Variants in PRRC2C observed in about 807,000 individuals in gnomAD.
PRRC2C encodes protein PRRC2C.
A neutral mutation model predicts 317.2 loss-of-function variants in PRRC2C; 72 were observed. That is an observed-to-expected ratio of 0.23 (90% CI 0.19 to 0.28). The LOEUF is 0.28. PRRC2C is among the 10% of genes least tolerant of loss of function. The pLI, the probability that PRRC2C is intolerant of heterozygous loss-of-function variation, is 1.00. For missense variants in PRRC2C, 3,074 were observed against 3,459.7 expected, an observed-to-expected ratio of 0.89 and a Z score of 2.80; for synonymous variants, 1,296 against 1,205.9, an observed-to-expected ratio of 1.07 and a Z score of -1.55.
At chr1:171,539,221 G>A (rs1160880898) in intron 15 of PRRC2C, among the ~76,000 whole-genome samples, 2 of 152,062 alleles carry the variant, frequency 1.3e-5, no homozygotes, top group African/African-American at 2.4e-5. Flanking sequence ...GGCTGGTCTC[G>A]AACTCCCGAC....
chr1:171,573,673 C>CTTTTTTTTTTTTTTT (rs1024285954), intron 24 of PRRC2C, among the ~76,000 whole-genome samples: 3 of 85,814 alleles, frequency 3.5e-5, no homozygotes, highest in Non-Finnish European at 4.2e-5. Flanking sequence ...TCTCAAAATT[C>CTTTTTTTTTTTTTTT]TTTTTTTTTT....
intron 7 of PRRC2C, 47 bp downstream of exon 7, chr1:171,522,306 A>G: frequency 7.5e-7 from 1 of 1,330,624 alleles, no homozygotes; most frequent in South Asian, 1.2e-5. Flanking sequence ...TATGCTTGTT[A>G]AGATTTCCTG....
intron 1 of PRRC2C, among the ~76,000 whole-genome samples, chr1:171,487,066 A>G (rs1191205514): frequency 6.6e-6 from 1 of 152,222 alleles, no homozygotes; most frequent in Non-Finnish European, 1.5e-5. Flanking sequence ...TTCAGAATAT[A>G]GCCTTTTTAA....
At chr1:171,542,863 C>T (rs1678220291) in intron 16 of PRRC2C, among the ~76,000 whole-genome samples, 1 of 151,898 alleles carries the variant, frequency 6.6e-6, no homozygotes, top group South Asian at 2.1e-4. Flanking sequence ...AGGGTTCATG[C>T]CATTCTCCTG....
Position 171,512,989 on chromosome 1 carries a change from C to A in PRRC2C, c.113-6C>A. 6.3e-7 allele frequency: 1 copy of A among 1,594,674 alleles called. No homozygotes were observed. Among genetic ancestry groups the A allele is most frequent in the Non-Finnish European group, 8.5e-7 (1 of 1,172,060 alleles). Reference sequence around the variant, plus strand: ...TTCTAAGAAAGTTGATGTTATTGATCTTTAGTTGCAGCTCGACATGGATTA... The same window carrying A: ...TTCTAAGAAAGTTGATGTTATTGATATTTAGTTGCAGCTCGACATGGATTA... On this transcript the variant is annotated splice_polypyrimidine_tract_variant and splice_region_variant and intron_variant, in intron 2 of 34. Coordinates refer to ENST00000647382, the MANE Select transcript of PRRC2C (RefSeq NM_001387844.1).
At chr1:171,583,746 A>C (rs537682454) in intron 28 of PRRC2C, among the ~76,000 whole-genome samples, 30 of 152,184 alleles carry the variant, frequency 2.0e-4, no homozygotes, top group Non-Finnish European at 3.7e-4. Flanking sequence ...GTTCTATGAT[A>C]TTAGAACAGC....
At chr1:171,545,713 A>T (rs548402825) in intron 17 of PRRC2C, 26 bp downstream of exon 17, 14 of 651,340 alleles carry the variant, frequency 2.1e-5, no homozygotes, top group Admixed American at 6.2e-5. Context: ...CTTTCATTTT[A>T]TTTATTTATT....
intron 19 of PRRC2C, among the ~76,000 whole-genome samples, chr1:171,558,384 G>GA (rs1459628945): frequency 6.6e-6 from 1 of 151,324 alleles, no homozygotes; most frequent in Non-Finnish European, 1.5e-5. Flanking sequence ...TGTTTGGGGG[G>GA]GTCTTGTACA....
At chr1:171,564,869 T>C (rs756181357) in intron 20 of PRRC2C, among the ~76,000 whole-genome samples, 8 of 152,230 alleles carry the variant, frequency 5.3e-5, no homozygotes, top group Non-Finnish European at 7.3e-5. Context: ...TGAAGGTGAC[T>C]ATTTAAATAT....
chr1:171,590,286 G>A (rs572479122), intron 34 of PRRC2C, among the ~76,000 whole-genome samples: 7 of 152,302 alleles, frequency 4.6e-5, no homozygotes, highest in African/African-American at 1.4e-4. Flanking sequence ...TGATAAACAT[G>A]AGGTTTGCTA....
rs958820241 is a variant in PRRC2C, at chr1:171,537,327, G to T, written c.2358G>T (p.Glu786Asp). Residue 786 changes from glutamate (E) to aspartate (D), a missense_variant, in exon 15 of 35, where the codon GAG (glutamate) becomes GAT (aspartate). Coordinates refer to ENST00000647382, the MANE Select transcript of PRRC2C (RefSeq NM_001387844.1). Reference sequence around the variant, plus strand: ...TGGAAGGGTCACCGAACAGTTCTGAGTCATTTGAGCATATAGCTCGATCTG... The same window carrying T: ...TGGAAGGGTCACCGAACAGTTCTGATTCATTTGAGCATATAGCTCGATCTG... Reference protein sequence around the residue: ...DQMEGSPNSSESFEHIARSAR... With the variant: ...DQMEGSPNSSDSFEHIARSAR... 6.2e-7 allele frequency: 1 copy of T among 1,600,162 alleles called. No homozygotes were observed. Among genetic ancestry groups the T allele is most frequent in the Non-Finnish European group, 8.5e-7 (1 of 1,172,720 alleles).
chr1:171,496,827 G>T (rs1276516152), intron 1 of PRRC2C, among the ~76,000 whole-genome samples: 1 of 148,500 alleles, frequency 6.7e-6, no homozygotes, highest in Non-Finnish European at 1.5e-5. Context: ...TTTTGACAAG[G>T]TCTCACTCTG....
intron 11 of PRRC2C, among the ~76,000 whole-genome samples, chr1:171,528,282 T>C (rs73038398): frequency 0.082 from 12,125 of 148,318 alleles, 1,631 homozygotes; most frequent in African/African-American, 0.28. Flanking sequence ...TCTCCATCAG[T>C]GAAATTTTTT....
At chr1:171,547,644 T>TG (rs778303214) in intron 17 of PRRC2C, among the ~76,000 whole-genome samples, 16,978 of 133,224 alleles carry the variant, frequency 0.13, 1,172 homozygotes, top group East Asian at 0.22. Flanking sequence ...TTTTTTTTTT[T>TG]TGTTTTTTTT....
At chr1:171,492,271 A>G (rs1557849948) in intron 1 of PRRC2C, among the ~76,000 whole-genome samples, 1 of 152,204 alleles carries the variant, frequency 6.6e-6, no homozygotes, top group Non-Finnish European at 1.5e-5. Context: ...TTAAAGAGGG[A>G]TGGAAAAAGC....
chr1:171,501,529 A>T (rs1440689794), intron 1 of PRRC2C, among the ~76,000 whole-genome samples: 1 of 152,070 alleles, frequency 6.6e-6, no homozygotes, highest in African/African-American at 2.4e-5. Context: ...TAAAATAATG[A>T]TTTTCTCTTC....
At chr1:171,512,737 T>G in intron 2 of PRRC2C, 2 of 333,744 alleles carry the variant, frequency 6.0e-6, no homozygotes, top group South Asian at 1.4e-4. Flanking sequence ...AATATCAGTA[T>G]TATCAATGTT....
At chr1:171,561,929 C>T (rs1682795393) in intron 20 of PRRC2C, among the ~76,000 whole-genome samples, 2 of 151,990 alleles carry the variant, frequency 1.3e-5, no homozygotes, top group Admixed American at 6.6e-5. Flanking sequence ...TGCGGGCTTA[C>T]AAAACTGGGA....
intron 17 of PRRC2C, among the ~76,000 whole-genome samples, chr1:171,547,496 C>T (rs1333897666): frequency 6.6e-6 from 1 of 152,068 alleles, no homozygotes; most frequent in Non-Finnish European, 1.5e-5. Context: ...AAATGTTTGA[C>T]TTAGACCTTT....
Sources: gnomAD v4.1 joint callset for allele counts (sites outside exome capture counted in the v4.1 genomes callset) on GRCh38, gnomAD v4.1.1 for gene constraint, MANE v1.5 for transcripts, NCBI Gene and HGNC (gene_info 2026-07-23, HGNC 2026-07-21) for gene names.